The following KHDRBS2 variants were observed in gnomAD, a reference collection of about 807,000 sequenced individuals.
The protein encoded by KHDRBS2 is KH RNA binding domain containing, signal transduction associated 2, also known as KH domain-containing, RNA-binding, signal transduction-associated protein 2.
Under a neutral mutation model 44.3 loss-of-function variants are expected in KHDRBS2, and 26 were observed. The observed-to-expected ratio is 0.59, with a 90% CI of 0.43 to 0.81. KHDRBS2 has a LOEUF of 0.81. KHDRBS2 is among the 40% of genes least tolerant of loss of function. KHDRBS2 has a pLI of 0.00. For synonymous variants in KHDRBS2, 194 were observed against 151.1 expected, an observed-to-expected ratio of 1.28 and a Z score of -2.08; for missense variants, 476 against 433.1, an observed-to-expected ratio of 1.10 and a Z score of -0.88.
intron 2 of KHDRBS2, among the ~76,000 whole-genome samples, chr6:62,065,049 C>A (rs1198675847): frequency 6.6e-6 from 1 of 152,172 alleles, no homozygotes; most frequent in South Asian, 2.1e-4. Context: ...TCATCACTAG[C>A]CATCAGAGAA....
At chr6:61,978,771 G>T (rs1444494923) in intron 3 of KHDRBS2, among the ~76,000 whole-genome samples, 1 of 151,926 alleles carries the variant, frequency 6.6e-6, no homozygotes, top group Non-Finnish European at 1.5e-5. Flanking sequence ...CTTTTCTATC[G>T]CTTGCTGCCT....
chr6:61,637,368 A>AT, the KHDRBS2 span, among the ~76,000 whole-genome samples: 7 of 152,144 alleles, frequency 4.6e-5, no homozygotes, highest in African/African-American at 1.7e-4. Flanking sequence ...TGAACTCATC[A>AT]TTTTTTATGG....
At chr6:62,194,821 T>G (rs1161138784) in intron 1 of KHDRBS2, among the ~76,000 whole-genome samples, 1 of 151,978 alleles carries the variant, frequency 6.6e-6, no homozygotes, top group Non-Finnish European at 1.5e-5. Context: ...ATTTCTTTAT[T>G]ATTGTATTTT....
At chr6:61,558,241 A>G in the KHDRBS2 span, among the ~76,000 whole-genome samples, 2 of 151,986 alleles carry the variant, frequency 1.3e-5, no homozygotes, top group Non-Finnish European at 2.9e-5. Context: ...AAGTTTTCTT[A>G]CTTTTTTGAT....
At chr6:61,653,486 C>T in the KHDRBS2 span, among the ~76,000 whole-genome samples, 10 of 152,090 alleles carry the variant, frequency 6.6e-5, no homozygotes, top group African/African-American at 2.4e-4. Flanking sequence ...CAGTGTTGTT[C>T]AGAATGAGCT....
chr6:61,597,730 T>TATATATATATATATATATATA, the KHDRBS2 span, among the ~76,000 whole-genome samples: 4 of 31,388 alleles, frequency 1.3e-4, no homozygotes, highest in Admixed American at 4.7e-4. Context: ...ATTTTGCACC[T>TATATATATATATATATATATA]TTTATATATA....
the KHDRBS2 span, among the ~76,000 whole-genome samples, chr6:61,569,628 G>A: frequency 1.3e-5 from 2 of 152,144 alleles, no homozygotes; most frequent in African/African-American, 2.4e-5. Context: ...AAGGAAGCCA[G>A]CACACTAAAC....
chr6:61,615,263 GA>G, the KHDRBS2 span, among the ~76,000 whole-genome samples: 14 of 123,682 alleles, frequency 1.1e-4, no homozygotes, highest in African/African-American at 3.5e-4. Context: ...AAAGAAAAAA[GA>G]AAAAAAACAA....
chr6:62,070,919 ACTTCC>A (rs1231601190), intron 2 of KHDRBS2, among the ~76,000 whole-genome samples: 1 of 152,110 alleles, frequency 6.6e-6, no homozygotes, highest in African/African-American at 2.4e-5. Context: ...GGCCACACTG[ACTTCC>A]ACAATGGTTG....
At chr6:61,545,377 G>A in the KHDRBS2 span, among the ~76,000 whole-genome samples, 1 of 151,968 alleles carries the variant, frequency 6.6e-6, no homozygotes, top group East Asian at 1.9e-4. Context: ...CTTAATTTAA[G>A]CCTTGTTCTT....
intron 1 of KHDRBS2, among the ~76,000 whole-genome samples, chr6:62,261,438 G>A (rs1255303959): frequency 2.6e-5 from 4 of 151,848 alleles, no homozygotes; most frequent in Non-Finnish European, 5.9e-5. Flanking sequence ...CATGAGCCAT[G>A]CATTACTATC....
intron 3 of KHDRBS2, among the ~76,000 whole-genome samples, chr6:62,028,237 G>A (rs1783728611): frequency 6.6e-6 from 1 of 151,968 alleles, no homozygotes; most frequent in Non-Finnish European, 1.5e-5. Context: ...GAAGAAATGG[G>A]AGTTTTTTTC....
At chr6:62,023,932 T>G (rs1274879011) in intron 3 of KHDRBS2, among the ~76,000 whole-genome samples, 1 of 151,244 alleles carries the variant, frequency 6.6e-6, no homozygotes, top group African/African-American at 2.4e-5. Flanking sequence ...TATACCATTT[T>G]TTAAACATCT....
chr6:61,843,995 G>T (rs1245524951), intron 6 of KHDRBS2, among the ~76,000 whole-genome samples: 1 of 151,944 alleles, frequency 6.6e-6, no homozygotes, highest in East Asian at 1.9e-4. Context: ...TTACTCCATT[G>T]CTCATATTCA....
At chr6:62,067,453 G>A (rs1793995577) in intron 2 of KHDRBS2, among the ~76,000 whole-genome samples, 1 of 151,432 alleles carries the variant, frequency 6.6e-6, no homozygotes, top group African/African-American at 2.4e-5. Flanking sequence ...AATTGTCATG[G>A]CTGCTAACTC....
At chr6:61,773,382 T>A (rs1781333409) in intron 6 of KHDRBS2, among the ~76,000 whole-genome samples, 1 of 151,854 alleles carries the variant, frequency 6.6e-6, no homozygotes, top group Non-Finnish European at 1.5e-5. Flanking sequence ...TGCATTTCTC[T>A]GATGGCCAGT....
the KHDRBS2 span, among the ~76,000 whole-genome samples, chr6:61,608,873 A>T: frequency 6.6e-6 from 1 of 152,116 alleles, no homozygotes. Context: ...AGTCTCTGCT[A>T]TTGTGAATAG....
intron 6 of KHDRBS2, among the ~76,000 whole-genome samples, chr6:61,891,472 C>T (rs1427954877): frequency 6.6e-6 from 1 of 152,098 alleles, no homozygotes; most frequent in East Asian, 1.9e-4. Flanking sequence ...AGGATTCCCT[C>T]TTTTTCTACT....
chr6:61,930,546 G>GAAAAA (rs1439236595), intron 4 of KHDRBS2, among the ~76,000 whole-genome samples: 4 of 47,576 alleles, frequency 8.4e-5, no homozygotes, highest in African/African-American at 1.3e-4. Flanking sequence ...AAAAAAAAAA[G>GAAAAA]AAAAAAAAAA....
Sources: gnomAD v4.1 joint callset for allele counts (sites outside exome capture counted in the v4.1 genomes callset) on GRCh38, gnomAD v4.1.1 for gene constraint, MANE v1.5 for transcripts, NCBI Gene and HGNC (gene_info 2026-07-23, HGNC 2026-07-21) for gene names.